The following C12orf42 variants were observed in gnomAD, a reference collection of about 807,000 sequenced individuals.
The protein encoded by C12orf42 is uncharacterized protein C12orf42.
A neutral mutation model predicts 21.6 loss-of-function variants in C12orf42; 25 were observed. That is an observed-to-expected ratio of 1.16 (90% CI 0.84 to 1.62). C12orf42 has a LOEUF of 1.62. Ranked by LOEUF, C12orf42 falls within the 40% of genes most tolerant of loss-of-function variation. C12orf42 has a pLI of 0.00. For missense variants in C12orf42, 483 were observed against 459.3 expected (o/e 1.05, Z -0.47); for synonymous variants, 174 against 175.0 (o/e 0.99, Z 0.05).
At chr12:103,266,200 A>C (rs1281894633), downstream of C12orf42, among the ~76,000 whole-genome samples, 1 of 152,188 alleles carries the variant, frequency 6.6e-6, no homozygotes, top group Non-Finnish European at 1.5e-5. Context: ...TCAAACTATA[A>C]GAAAAATTGT....
chr12:103,054,894 G>A, the C12orf42 span, among the ~76,000 whole-genome samples: 1 of 151,736 alleles, frequency 6.6e-6, no homozygotes, highest in Admixed American at 6.6e-5. Flanking sequence ...TTCAAATATT[G>A]AACCAGCCTT....
intron 4 of C12orf42, among the ~76,000 whole-genome samples, chr12:103,296,463 C>T (rs987307152): frequency 9.2e-5 from 14 of 152,068 alleles, no homozygotes; most frequent in African/African-American, 2.4e-4. Context: ...GTTGAACTAG[C>T]TTACAGTCCC....
chr12:103,295,045 C>T (rs567863901), intron 4 of C12orf42, among the ~76,000 whole-genome samples: 2 of 152,196 alleles, frequency 1.3e-5, no homozygotes, highest in East Asian at 3.9e-4. Context: ...CCAGTGTTAG[C>T]TTGCTAAGGA....
At chr12:103,304,187 G>A (rs1013330765) in intron 5 of C12orf42, among the ~76,000 whole-genome samples, 1 of 152,128 alleles carries the variant, frequency 6.6e-6, no homozygotes, top group Non-Finnish European at 1.5e-5. Flanking sequence ...GACCTTACCC[G>A]AAAGATGGGA....
chr12:103,092,475 T>G, the C12orf42 span, among the ~76,000 whole-genome samples: 1 of 152,186 alleles, frequency 6.6e-6, no homozygotes, highest in African/African-American at 2.4e-5. Flanking sequence ...GAGGTCTAAG[T>G]TAACAGACCT....
At chr12:103,121,029 C>T in the C12orf42 span, among the ~76,000 whole-genome samples, 1 of 152,032 alleles carries the variant, frequency 6.6e-6, no homozygotes, top group Non-Finnish European at 1.5e-5. Context: ...CCCAATCTGG[C>T]AAAATCATTT....
chr12:103,264,976 C>T (rs147698665), downstream of C12orf42, among the ~76,000 whole-genome samples: 1 of 152,198 alleles, frequency 6.6e-6, no homozygotes, highest in Admixed American at 6.6e-5. Flanking sequence ...GGCTTCTTAA[C>T]AATAGAAATT....
At chr12:103,238,871 T>C (rs879489578) in intron 10 of C12orf42, among the ~76,000 whole-genome samples, 1 of 152,200 alleles carries the variant, frequency 6.6e-6, no homozygotes, top group Non-Finnish European at 1.5e-5. Flanking sequence ...GCCAGTTCTA[T>C]AAGCTCGATG....
At chr12:103,419,702 C>T (rs557488695) in intron 2 of C12orf42, among the ~76,000 whole-genome samples, 73 of 152,276 alleles carry the variant, frequency 4.8e-4, no homozygotes, top group Non-Finnish European at 8.4e-4. Context: ...AACCTGATTT[C>T]CCCAGCTTGA....
At chr12:103,411,183 A>C (rs1247144338) in intron 2 of C12orf42, among the ~76,000 whole-genome samples, 1 of 152,216 alleles carries the variant, frequency 6.6e-6, no homozygotes, top group Non-Finnish European at 1.5e-5. Flanking sequence ...TATCAAGCTA[A>C]TATGCAGCTA....
At chr12:103,273,610 A>G (rs184470738) in intron 5 of C12orf42, among the ~76,000 whole-genome samples, 1 of 152,174 alleles carries the variant, frequency 6.6e-6, no homozygotes, top group Non-Finnish European at 1.5e-5. Flanking sequence ...AATTTCTAAT[A>G]CCATGTCAAC....
rs569821895 is a variant in C12orf42 at position 103,407,009 on chromosome 12, T to A, written c.79-5334A>T. 1.6e-4 allele frequency among the ~76,000 whole-genome samples: 24 copies of A among 152,236 alleles called. No individual in the cohort carries two copies. In the South Asian group the frequency reaches 5.0e-3, roughly 32 times the overall value. Reference sequence around the variant, plus strand: ...CTCCCTTTATCCTCCACCAAAGAATTATTGACAGCCAACAATTTTTATCCT... The same window carrying A: ...CTCCCTTTATCCTCCACCAAAGAATAATTGACAGCCAACAATTTTTATCCT... On this transcript the variant is annotated intron_variant, in intron 2 of 5. Coordinates refer to ENST00000548883, the MANE Select transcript of C12orf42 (RefSeq NM_198521.5).
chr12:103,376,155 C>A (rs1401853498), intron 3 of C12orf42, among the ~76,000 whole-genome samples: 2 of 152,132 alleles, frequency 1.3e-5, no homozygotes, highest in East Asian at 1.9e-4. Context: ...TGGAACCAAC[C>A]AAAATGCCCA....
chr12:103,264,326 T>C (rs977031651), downstream of C12orf42, among the ~76,000 whole-genome samples: 1 of 150,332 alleles, frequency 6.7e-6, no homozygotes, highest in Non-Finnish European at 1.5e-5. Context: ...ATATTCTCCC[T>C]AAGCACTGTT....
intron 2 of C12orf42, among the ~76,000 whole-genome samples, chr12:103,424,290 G>A (rs770669418): frequency 6.6e-6 from 1 of 152,208 alleles, no homozygotes; most frequent in Non-Finnish European, 1.5e-5. Context: ...AGGAAAATAT[G>A]TTGCTACTTC....
intron 2 of C12orf42, among the ~76,000 whole-genome samples, chr12:103,426,976 A>T (rs1185468567): frequency 6.6e-6 from 1 of 152,198 alleles, no homozygotes; most frequent in African/African-American, 2.4e-5. Context: ...TATGGAAAGA[A>T]AAAACCAGTA....
intron 4 of C12orf42, among the ~76,000 whole-genome samples, chr12:103,349,514 C>T (rs1036080569): frequency 5.3e-5 from 8 of 152,214 alleles, no homozygotes; most frequent in Middle Eastern, 3.4e-3. Context: ...AAAGAGTTCA[C>T]TGTGTTTTAA....
At chr12:103,433,535 C>T (rs1950423856) in intron 2 of C12orf42, among the ~76,000 whole-genome samples, 1 of 152,158 alleles carries the variant, frequency 6.6e-6, no homozygotes, top group Non-Finnish European at 1.5e-5. Context: ...CTAATTGAAT[C>T]TGTAGATCTA....
the C12orf42 span, among the ~76,000 whole-genome samples, chr12:103,218,714 C>T: frequency 6.6e-6 from 1 of 152,172 alleles, no homozygotes; most frequent in Non-Finnish European, 1.5e-5. Flanking sequence ...ATCTCTGTTA[C>T]ATGCACTAAT....
Sources: gnomAD v4.1 joint callset for allele counts (sites outside exome capture counted in the v4.1 genomes callset) on GRCh38, gnomAD v4.1.1 for gene constraint, MANE v1.5 for transcripts, NCBI Gene and HGNC (gene_info 2026-07-23, HGNC 2026-07-21) for gene names.